Variants in CDIN1 observed in about 807,000 individuals in gnomAD.
CDIN1 encodes the protein CDAN1-interacting nuclease 1.
CDIN1 carries 33 observed loss-of-function variants against 45.3 expected under a neutral mutation model. The ratio of observed to expected loss-of-function variants is 0.73; its 90% CI spans 0.55 to 0.97. The LOEUF is 0.97. Among genes scored for constraint, CDIN1 ranks in the 50% least tolerant of loss-of-function variants. CDIN1 has a pLI of 0.00. For missense variants in CDIN1, 303 were observed against 339.4 expected (o/e 0.89, Z 0.84); for synonymous variants, 118 against 124.4 (o/e 0.95, Z 0.34).
chr15:36,763,227 A>G (rs1207964598), intron 10 of CDIN1, among the ~76,000 whole-genome samples: 4 of 152,040 alleles, frequency 2.6e-5, no homozygotes, highest in African/African-American at 9.7e-5. Flanking sequence ...TTTTATTTGC[A>G]TTTCTCTGAT....
At chr15:36,763,276 C>T (rs1413968961) in intron 10 of CDIN1, among the ~76,000 whole-genome samples, 1 of 152,136 alleles carries the variant, frequency 6.6e-6, no homozygotes, top group Non-Finnish European at 1.5e-5. Flanking sequence ...TGTCTTTTGG[C>T]TGCATAAATG....
chr15:36,724,508 C>T (rs746540051), intron 10 of CDIN1, among the ~76,000 whole-genome samples: 3 of 152,100 alleles, frequency 2.0e-5, no homozygotes, highest in Non-Finnish European at 2.9e-5. Flanking sequence ...TGTAGGTTAG[C>T]AATAGCTTCA....
chr15:36,705,489 C>G (rs951751071), intron 8 of CDIN1: 7 of 152,082 alleles, frequency 4.6e-5, no homozygotes, highest in Non-Finnish European at 8.8e-5. Flanking sequence ...GGGCACATAT[C>G]CTGTATCTGC....
At chr15:36,715,082 T>C (rs966838047) in intron 10 of CDIN1, among the ~76,000 whole-genome samples, 1 of 152,154 alleles carries the variant, frequency 6.6e-6, no homozygotes, top group Non-Finnish European at 1.5e-5. Context: ...AGTGCATAGA[T>C]CTTTGAAAGC....
intron 1 of CDIN1, chr15:36,618,318 A>G (rs896017127): frequency 3.0e-6 from 2 of 671,512 alleles, no homozygotes; most frequent in African/African-American, 1.8e-5. Flanking sequence ...TTTCAACTGA[A>G]AGCATAATCC....
intron 5 of CDIN1, among the ~76,000 whole-genome samples, chr15:36,678,833 G>A (rs189940002): frequency 5.9e-5 from 9 of 152,314 alleles, no homozygotes; most frequent in East Asian, 5.8e-4. Flanking sequence ...TCTTGAGAGC[G>A]CAGATGTTTC....
chr15:36,791,841 G>T (rs776579223), intron 10 of CDIN1, among the ~76,000 whole-genome samples: 2 of 152,070 alleles, frequency 1.3e-5, no homozygotes, highest in Admixed American at 1.3e-4. Context: ...AGGCTGACAG[G>T]GACTACACCT....
intron 8 of CDIN1, chr15:36,708,740 C>G (rs1005144082): frequency 6.6e-6 from 1 of 152,214 alleles, no homozygotes; most frequent in Non-Finnish European, 1.5e-5. Context: ...GTCCTTGTCT[C>G]TTTCTTGTGT....
At position 36,691,123 on chromosome 15, in the gene CDIN1, C is replaced by G. The variant is rs185889188; in HGVS notation, c.347-562C>G. ...AATTCAGTCAGTTTTACCTACTTTC[C>G]TCACTTGTGGAATGGAGATAGGATT... On this transcript the variant is annotated intron_variant, in intron 5 of 10. Transcript: ENST00000566621. The G allele has an allele frequency of 3.0e-4, 157 of 517,100 alleles. 1 individual carries two copies. The highest frequency in any genetic ancestry group is 2.9e-3 in the East Asian group (52 of 18,222). The allele number at this position is 517,100 out of a possible 1,614,324, so 32.0% of individuals were successfully genotyped here. A position where few individuals can be genotyped will look rare whatever the true frequency, so the allele number is the denominator to read the frequency against.
At chr15:36,634,184 A>G (rs1418267153) in intron 1 of CDIN1, among the ~76,000 whole-genome samples, 2 of 152,124 alleles carry the variant, frequency 1.3e-5, no homozygotes, top group Non-Finnish European at 2.9e-5. Flanking sequence ...TAATCGCAGC[A>G]CTTTGGGAGG....
chr15:36,701,343 A>C (rs2042637695), intron 8 of CDIN1, among the ~76,000 whole-genome samples: 1 of 152,090 alleles, frequency 6.6e-6, no homozygotes, highest in Non-Finnish European at 1.5e-5. Context: ...TATTTCATCT[A>C]CTGGTAGAGA....
At chr15:36,602,698 C>T (rs765339261) in intron 1 of CDIN1, among the ~76,000 whole-genome samples, 2 of 152,092 alleles carry the variant, frequency 1.3e-5, no homozygotes, top group African/African-American at 2.4e-5. Context: ...TTGGGCTGGG[C>T]GCAGTGGCTC....
intron 5 of CDIN1, among the ~76,000 whole-genome samples, chr15:36,671,635 G>A (rs1421755943): frequency 2.0e-5 from 3 of 151,994 alleles, no homozygotes; most frequent in Non-Finnish European, 4.4e-5. Flanking sequence ...GATCAAAATC[G>A]TTACTCAGCA....
At chr15:36,710,956 G>A (rs919137516) in intron 10 of CDIN1, among the ~76,000 whole-genome samples, 1 of 152,162 alleles carries the variant, frequency 6.6e-6, no homozygotes, top group Non-Finnish European at 1.5e-5. Flanking sequence ...CAATGATCAT[G>A]ACAAAATGCT....
intron 1 of CDIN1, among the ~76,000 whole-genome samples, chr15:36,599,417 G>T (rs544870805): frequency 3.3e-5 from 5 of 152,220 alleles, no homozygotes; most frequent in Admixed American, 3.3e-4. Context: ...AGCTGTAAGG[G>T]TAATCAAAAT....
chr15:36,684,889 G>A (rs1011878380), intron 5 of CDIN1, among the ~76,000 whole-genome samples: 2 of 149,478 alleles, frequency 1.3e-5, no homozygotes, highest in African/African-American at 2.4e-5. Flanking sequence ...AGTATTCTCT[G>A]ATGGTAGTTT....
At chr15:36,797,706 A>G (rs979667593) in intron 10 of CDIN1, among the ~76,000 whole-genome samples, 8 of 152,104 alleles carry the variant, frequency 5.3e-5, no homozygotes, top group Non-Finnish European at 1.2e-4. Context: ...GTGGCCAGGC[A>G]TGGTGGCTCA....
intron 1 of CDIN1, chr15:36,626,914 C>A: frequency 1.0e-5 from 2 of 198,132 alleles, no homozygotes; most frequent in East Asian, 1.4e-4. Context: ...TGTGGTGAGT[C>A]CACTTGGAGA....
chr15:36,714,938 C>G (rs1386225046), intron 10 of CDIN1, among the ~76,000 whole-genome samples: 1 of 152,158 alleles, frequency 6.6e-6, no homozygotes, highest in East Asian at 1.9e-4. Flanking sequence ...GGGGATGTTT[C>G]CTTGGCCCCA....
Sources: allele counts gnomAD v4.1 joint callset (sites outside exome capture counted in the v4.1 genomes callset), GRCh38; gene constraint gnomAD v4.1.1; transcripts MANE v1.5; gene names NCBI Gene and HGNC (gene_info 2026-07-23, HGNC 2026-07-21).